The following CDH13 variants were observed in gnomAD, a reference collection of about 807,000 sequenced individuals.
CDH13 encodes the protein cadherin 13.
A neutral mutation model predicts 63.8 loss-of-function variants in CDH13; 24 were observed. The observed-to-expected ratio is 0.38, with a 90% confidence interval of 0.27 to 0.53. CDH13 has a LOEUF of 0.53. Among genes scored for constraint, CDH13 ranks in the 20% least tolerant of loss-of-function variants. CDH13 has a pLI of 0.85. For synonymous variants in CDH13, 503 were observed against 355.3 expected, an observed-to-expected ratio of 1.42 and a Z score of -4.67; for missense variants, 1,049 against 903.1, an observed-to-expected ratio of 1.16 and a Z score of -2.07.
chr16:83,182,348 G>C (rs1402112301), intron 4 of CDH13, among the ~76,000 whole-genome samples: 2 of 152,194 alleles, frequency 1.3e-5, no homozygotes, highest in African/African-American at 4.8e-5. Context: ...GGAGAAGGTG[G>C]AAGAGTCATA....
At chr16:83,630,067 C>T (rs1225954491) in intron 8 of CDH13, among the ~76,000 whole-genome samples, 2 of 152,212 alleles carry the variant, frequency 1.3e-5, no homozygotes, top group Non-Finnish European at 2.9e-5. Flanking sequence ...AGATTCATCT[C>T]GGGTTGGCAA....
At chr16:83,408,610 G>A (rs758813749) in intron 6 of CDH13, among the ~76,000 whole-genome samples, 22 of 152,172 alleles carry the variant, frequency 1.4e-4, no homozygotes, top group Non-Finnish European at 3.1e-4. Context: ...ATAATCTAAT[G>A]AGACAACTTT....
At chr16:82,855,279 G>T (rs1460537428) in intron 1 of CDH13, among the ~76,000 whole-genome samples, 3 of 152,154 alleles carry the variant, frequency 2.0e-5, no homozygotes, top group Non-Finnish European at 2.9e-5. Flanking sequence ...CATAGACAAA[G>T]ATGGAGAACA....
rs74792293 is a variant in CDH13 at position 83,425,130 on chromosome 16, C to T, written c.782-61347C>T. On this transcript the variant is annotated intron_variant, in intron 6 of 13. Transcript: ENST00000567109. ...CACCGTTTGTCCATCGAGTTCTAAG[C>T]TATGGTATTTGTAAAAGGTCATTCT... Among the ~76,000 whole-genome samples the T allele has an allele frequency of 7.6e-3, 1,156 of 152,284 alleles. 9 individuals are homozygous for T. The highest frequency in any genetic ancestry group is 0.012 in the Non-Finnish European group (792 of 68,022).
At chr16:83,099,381 C>T (rs751183554) in intron 3 of CDH13, among the ~76,000 whole-genome samples, 49 of 151,816 alleles carry the variant, frequency 3.2e-4, no homozygotes, top group African/African-American at 7.7e-4. Context: ...TGGAGTGCAA[C>T]GGTGCAATCT....
chr16:83,105,327 A>C (rs1478917275), intron 3 of CDH13, among the ~76,000 whole-genome samples: 1 of 152,208 alleles, frequency 6.6e-6, no homozygotes, highest in Non-Finnish European at 1.5e-5. Flanking sequence ...TCCTGGAATA[A>C]TCCAGTGACA....
chr16:83,147,927 C>A (rs8059249), intron 4 of CDH13, among the ~76,000 whole-genome samples: 1 of 151,844 alleles, frequency 6.6e-6, no homozygotes, highest in Non-Finnish European at 1.5e-5. Flanking sequence ...TGGTGGCTCA[C>A]TGAGGCATTA....
intron 8 of CDH13, among the ~76,000 whole-genome samples, chr16:83,663,603 A>G (rs1913649575): frequency 6.6e-6 from 1 of 152,180 alleles, no homozygotes; most frequent in Non-Finnish European, 1.5e-5. Flanking sequence ...TGTGACATTC[A>G]GCATTTTGGG....
rs566551751 is a variant in CDH13 at position 83,173,419 on chromosome 16, C to T, written c.484-43926C>T. ...ATCTCTGAGAGTGTGGTAAAGTAAGCAGCATTTCTAGCACATAGTTAACCG... is the reference window on the plus strand; with the variant it reads ...ATCTCTGAGAGTGTGGTAAAGTAAGTAGCATTTCTAGCACATAGTTAACCG... On this transcript the variant is annotated intron_variant, in intron 4 of 13. Coordinates refer to ENST00000567109, the MANE Select transcript of CDH13 (RefSeq NM_001257.5). Among the ~76,000 whole-genome samples the T allele has an allele frequency of 2.6e-5, 4 of 152,136 alleles. No homozygotes were observed. In the East Asian group the frequency reaches 7.7e-4, roughly 29 times the overall value.
chr16:82,858,060 C>T (rs998726776), intron 1 of CDH13, among the ~76,000 whole-genome samples: 4 of 152,182 alleles, frequency 2.6e-5, no homozygotes, highest in Non-Finnish European at 5.9e-5. Context: ...TTGACAGTTT[C>T]TGTAATAAAA....
At chr16:82,890,024 T>G (rs1348949253) in intron 2 of CDH13, among the ~76,000 whole-genome samples, 1 of 152,206 alleles carries the variant, frequency 6.6e-6, no homozygotes, top group Non-Finnish European at 1.5e-5. Context: ...ACTACATGGT[T>G]TCAGTGCTAT....
intron 2 of CDH13, among the ~76,000 whole-genome samples, chr16:82,977,177 C>G (rs995279678): frequency 1.3e-5 from 2 of 152,160 alleles, no homozygotes; most frequent in African/African-American, 4.8e-5. Flanking sequence ...TGCCCTTGGC[C>G]CTGCTCTCTC....
At chr16:82,886,450 A>G (rs550138132) in intron 2 of CDH13, among the ~76,000 whole-genome samples, 1 of 152,200 alleles carries the variant, frequency 6.6e-6, no homozygotes, top group African/African-American at 2.4e-5. Flanking sequence ...TGTTATTGCT[A>G]TTTTATTAAC....
At chr16:83,513,115 C>A (rs770082258) in intron 7 of CDH13, among the ~76,000 whole-genome samples, 5 of 151,908 alleles carry the variant, frequency 3.3e-5, no homozygotes, top group Non-Finnish European at 7.4e-5. Context: ...GAATTGTCTT[C>A]GAGCCTATAA....
At chr16:82,942,343 T>C (rs999029847) in intron 2 of CDH13, among the ~76,000 whole-genome samples, 2 of 152,232 alleles carry the variant, frequency 1.3e-5, no homozygotes, top group African/African-American at 4.8e-5. Flanking sequence ...ATTTCCGCAC[T>C]GTCTTTCCCT....
At position 83,576,619 on chromosome 16, in the gene CDH13, C is replaced by T. The variant is rs1905103012; in HGVS notation, c.961-25835C>T. Reference sequence around the variant, plus strand: ...CAGTGATACCATTTTATATTCTAACCAACAGTACACAAGAATTCCAGTTTC... The same window carrying T: ...CAGTGATACCATTTTATATTCTAACTAACAGTACACAAGAATTCCAGTTTC... On this transcript the variant is annotated intron_variant, in intron 7 of 13. Coordinates refer to ENST00000567109, the MANE Select transcript of CDH13 (RefSeq NM_001257.5). Among the ~76,000 whole-genome samples, 3 of 152,288 alleles carry T rather than the reference C, an allele frequency of 2.0e-5. 1 individual carries two copies. The South Asian group carries it at 6.2e-4, about 32-fold the overall frequency.
In CDH13 at chr16:82,866,129, A is replaced by G. The variant is rs146828223; in HGVS notation, c.157+7656A>G. ...AAGTTCCTCATCACCCTCTGAGACC[A>G]CATCAGCCTGGACTTCATCGTACAT... is the stretch of plus-strand genomic sequence containing the variant. On this transcript the variant is annotated intron_variant, in intron 2 of 13. Coordinates refer to ENST00000567109, the MANE Select transcript of CDH13 (RefSeq NM_001257.5). Among the ~76,000 whole-genome samples, 479 of 152,222 alleles carry G rather than the reference A, an allele frequency of 3.1e-3. 3 individuals are homozygous for G. The highest frequency in any genetic ancestry group is 0.01 in the African/African-American group (429 of 41,528).
chr16:83,572,175 G>GTTGTGTGTGTGTGT (rs145519267), intron 7 of CDH13, among the ~76,000 whole-genome samples: 149 of 145,690 alleles, frequency 1.0e-3, no homozygotes, highest in African/African-American at 3.6e-3. Context: ...ACTTTCCTGT[G>GTTGTGTGTGTGTGT]GTGTGTGTGT....
At chr16:83,570,046 G>C (rs1347523868) in intron 7 of CDH13, among the ~76,000 whole-genome samples, 2 of 152,072 alleles carry the variant, frequency 1.3e-5, no homozygotes, top group African/African-American at 2.4e-5. Context: ...GGAGCCAGTG[G>C]TTTTAAACTG....
Sources: allele counts gnomAD v4.1 joint callset (sites outside exome capture counted in the v4.1 genomes callset), GRCh38; gene constraint gnomAD v4.1.1; transcripts MANE v1.5; gene names NCBI Gene and HGNC (gene_info 2026-07-23, HGNC 2026-07-21).